The following ZNF284 variants were observed in gnomAD, a reference collection of about 807,000 sequenced individuals.
The protein encoded by ZNF284 is zinc finger protein 284.
In ZNF284, 12 loss-of-function variants were observed where a neutral mutation model predicts 12.9. That is an observed-to-expected ratio of 0.93 (90% CI 0.60 to 1.51). The LOEUF (loss-of-function observed/expected upper bound fraction) is 1.51. Ranked by LOEUF, ZNF284 falls within the 40% of genes most tolerant of loss-of-function variation. The pLI is 0.00. For synonymous variants in ZNF284, 225 were observed against 236.5 expected (o/e 0.95, Z 0.45); for missense variants, 667 against 707.3 (o/e 0.94, Z 0.65).
rs1386976146 is a variant in ZNF284 at position 44,089,596 on chromosome 19, C to A, written c.*2336C>A. 1 of 152,122 alleles carries A rather than the reference C, an allele frequency of 6.6e-6. No individual in the cohort carries two copies. Among genetic ancestry groups the A allele is most frequent in the Non-Finnish European group, 1.5e-5 (1 of 68,026 alleles). The allele number at this position is 152,122 out of a possible 1,614,324, so 9.4% of individuals were successfully genotyped here. ...GCATTGTCATGGACTCCTTAATAAA[C>A]GTGAAGACTTTAATCCATCTGAAGG... On this transcript the variant is annotated 3_prime_UTR_variant, in exon 5 of 5. Transcript: ENST00000421176.
intron 1 of ZNF284, among the ~76,000 whole-genome samples, chr19:44,075,229 G>A (rs1644679798): frequency 6.6e-6 from 1 of 152,048 alleles, no homozygotes; most frequent in Admixed American, 6.5e-5. Context: ...CCCATTCAAA[G>A]TCCAATTTTA....
intron 1 of ZNF284, among the ~76,000 whole-genome samples, chr19:44,074,435 A>C (rs749983139): frequency 1.3e-5 from 2 of 152,144 alleles, no homozygotes; most frequent in Non-Finnish European, 2.9e-5. Context: ...TTGCAAAAAT[A>C]GTGTTAGAAA....
intron 4 of ZNF284, among the ~76,000 whole-genome samples, chr19:44,084,064 C>T (rs1967182870): frequency 6.6e-6 from 1 of 152,142 alleles, no homozygotes; most frequent in South Asian, 2.1e-4. Flanking sequence ...ACCAACATGG[C>T]AGGGTGATCT....
chr19:44,076,532 T>A, intron 2 of ZNF284, 128 bp downstream of exon 2: 1 of 896,640 alleles, frequency 1.1e-6, no homozygotes, highest in Non-Finnish European at 1.7e-6. Flanking sequence ...GTGTGCCAGA[T>A]GCTTCCTTGT....
rs780527666 is a variant in ZNF284, at chr19:44,086,002, A to G, written c.524A>G (p.His175Arg). Residue 175 changes from histidine to arginine, a missense_variant, in exon 5 of 5, where the codon CAT becomes CGT. By Grantham distance (29) the His-to-Arg change is conservative (BLOSUM62 0). Transcript: ENST00000421176. ...CAATTACACTCAGGAAAGATATCCC[A>G]TACATGTAATGAGTACAGGAAGAGA... ...HQQLHSGKISHTCNEYRKRFC... is the reference protein window; with the variant it reads ...HQQLHSGKISRTCNEYRKRFC... 4 of 1,614,172 alleles carry G rather than the reference A, an allele frequency of 2.5e-6. No homozygotes were observed. The highest frequency in any genetic ancestry group is 2.2e-5 in the South Asian group (2 of 91,084).
At chr19:44,082,374 GTTACAAC>G (rs1301155568) in intron 4 of ZNF284, among the ~76,000 whole-genome samples, 2 of 152,024 alleles carry the variant, frequency 1.3e-5, no homozygotes, top group Non-Finnish European at 2.9e-5. Context: ...TTGTGTTAAT[GTTACAAC>G]TGCTTTAAGT....
In ZNF284 at chr19:44,088,070, T is replaced by A. The variant is rs368404320; in HGVS notation, c.*810T>A. 6.6e-6 allele frequency: 1 copy of A among 151,784 alleles called. No individual in the cohort carries two copies. Among genetic ancestry groups the A allele is most frequent in the African/African-American group, 2.4e-5 (1 of 41,300 alleles). The allele number at this position is 151,784 out of a possible 1,614,324, so 9.4% of individuals were successfully genotyped here. The stretch of plus-strand genomic sequence containing the variant: ...CAGGCGTGAGCCACCATGCCCACCA[T>A]GCCTAAAAATTTTTGTATTTTTAGT... On this transcript the variant is annotated 3_prime_UTR_variant, in exon 5 of 5. Transcript: ENST00000421176.
rs143593794 is a variant in ZNF284, at chr19:44,083,305, A to G, written c.235+1200A>G. ...AAAAATTAGCTGGGTGTGGTAGCAC[A>G]GTCCTGTAATCCCAGCTACTCGGGT... On this transcript the variant is annotated intron_variant, in intron 4 of 4. Transcript: ENST00000421176. 3.9e-3 allele frequency among the ~76,000 whole-genome samples: 588 copies of G among 151,714 alleles called. 2 individuals carry two copies. The highest frequency in any genetic ancestry group is 0.013 in the African/African-American group (523 of 41,420).
At chr19:44,084,777 C>T (rs1340397311) in intron 4 of ZNF284, among the ~76,000 whole-genome samples, 1 of 152,154 alleles carries the variant, frequency 6.6e-6, no homozygotes, top group East Asian at 1.9e-4. Context: ...TTTGGAGATG[C>T]AAAGGCTGTT....
Position 44,081,100 on chromosome 19 carries a change from G to A in ZNF284, c.101G>A (p.Arg34Gln), listed in dbSNP as rs191621832. Residue 34 changes from arginine to glutamine, a missense_variant, in exon 3 of 5, where the codon CGA (arginine) becomes CAA (glutamine). Coordinates refer to ENST00000421176, the MANE Select transcript of ZNF284 (RefSeq NM_001037813.4). ...LLDVSQRKLY[R>Q]DVMLENFRNL... ...GACGTTTCCCAGAGGAAGCTGTATC[G>A]AGATGTCATGCTGGAGAACTTCAGA... 9.1e-5 allele frequency: 147 copies of A among 1,612,986 alleles called. No homozygotes were observed. The African/African-American group carries it at 1.9e-3, about 20-fold the overall frequency.
intron 1 of ZNF284, among the ~76,000 whole-genome samples, chr19:44,073,438 C>T (rs1004261668): frequency 5.3e-5 from 8 of 151,904 alleles, no homozygotes; most frequent in Non-Finnish European, 1.2e-4. Flanking sequence ...TGTTATGCAG[C>T]GGTATGATTG....
At chr19:44,081,443 G>T (rs534269833) in intron 3 of ZNF284, among the ~76,000 whole-genome samples, 51 of 152,230 alleles carry the variant, frequency 3.4e-4, no homozygotes, top group African/African-American at 1.1e-3. Context: ...CGGGCGCGGT[G>T]GCTCATGCCT....
Position 44,087,202 on chromosome 19 carries a change from G to A in ZNF284, c.1724G>A (p.Arg575His), listed in dbSNP as rs202220702. 100 of 1,602,204 alleles carry A rather than the reference G, an allele frequency of 6.2e-5. 1 individual carries two copies. In the Middle Eastern group the frequency reaches 8.3e-4, roughly 13 times the overall value. The change falls in exon 5 of 5, where the codon CGC becomes CAC. Residue 575 changes from arginine to histidine, a missense_variant. Arg to His is a conservative substitution (Grantham distance 29). Transcript: ENST00000421176. Reference protein sequence around the residue: ...KTSKCEDCGKRYERRLNLDMI... With the variant: ...KTSKCEDCGKHYERRLNLDMI... ...TCCAAATGTGAGGACTGTGGGAAGC[G>A]CTACGAGAGGCGCTTGAATCTAGAT...
At chr19:44,080,690 G>A (rs1967107477) in intron 2 of ZNF284, among the ~76,000 whole-genome samples, 1 of 152,196 alleles carries the variant, frequency 6.6e-6, no homozygotes, top group African/African-American at 2.4e-5. Context: ...AATGTTGCTG[G>A]AGCAACTGGC....
chr19:44,077,920 G>A (rs929406916), intron 2 of ZNF284, among the ~76,000 whole-genome samples: 11 of 152,004 alleles, frequency 7.2e-5, no homozygotes, highest in African/African-American at 2.2e-4. Context: ...TCTTCCTGTT[G>A]TGCCACCTCC....
chr19:44,072,638 CT>C (rs1308980502), intron 1 of ZNF284, among the ~76,000 whole-genome samples: 1 of 152,224 alleles, frequency 6.6e-6, no homozygotes, highest in African/African-American at 2.4e-5. Flanking sequence ...CCCTTAGTGA[CT>C]GGTGGTCTCT....
chr19:44,086,218 A>G lies in ZNF284; in HGVS notation c.740A>G (p.Tyr247Cys), dbSNP rs1475880472. Reference sequence around the variant, plus strand: ...AGTTTCAGCCGTAGATCAGGAATGTATGTTCATTGCAAATTACACACAGGA... The same window carrying G: ...AGTTTCAGCCGTAGATCAGGAATGTGTGTTCATTGCAAATTACACACAGGA... ...GKSFSRRSGM[Y>C]VHCKLHTGEK... Residue 247 changes from tyrosine to cysteine, a missense_variant, in exon 5 of 5, where the codon TAT (tyrosine) becomes TGT (cysteine). By Grantham distance (194) the Tyr-to-Cys change is radical (BLOSUM62 -2). Coordinates refer to ENST00000421176, the MANE Select transcript of ZNF284 (RefSeq NM_001037813.4). The G allele has an allele frequency of 3.0e-5, 48 of 1,614,118 alleles. No individual in the cohort carries two copies. Among genetic ancestry groups the G allele is most frequent in the African/African-American group, 5.3e-5 (4 of 74,948 alleles).
rs761127144 is a variant in ZNF284, at chr19:44,086,404, A to G, written c.926A>G (p.His309Arg). 20 of 1,613,964 alleles carry G rather than the reference A, an allele frequency of 1.2e-5. No individual in the cohort carries two copies. Among genetic ancestry groups the G allele is most frequent in the Non-Finnish European group, 1.0e-5 (12 of 1,179,960 alleles). The change falls in exon 5 of 5, where the codon CAC becomes CGC. Residue 309 changes from histidine (H) to arginine (R), a missense_variant. Physicochemically the swap from His to Arg is conservative, Grantham distance 29 (BLOSUM62 0). Transcript: ENST00000421176. ...AATCTTAATAGGCATTCCATGGTCCACATGCAAGAGAAATCATTTAGATGT... is the reference window on the plus strand; with the variant it reads ...AATCTTAATAGGCATTCCATGGTCCGCATGCAAGAGAAATCATTTAGATGT... ...RSNLNRHSMV[H>R]MQEKSFRCDT...
Position 44,087,472 on chromosome 19 carries a change from A to G in ZNF284, c.*212A>G, listed in dbSNP as rs1302751014. On this transcript the variant is annotated 3_prime_UTR_variant, in exon 5 of 5. Transcript: ENST00000421176. ...TTATAGTCACCTTTAGTGCTGTGGAACACTAGAACTTGTTCCTTTCATCAT... is the reference window on the plus strand; with the variant it reads ...TTATAGTCACCTTTAGTGCTGTGGAGCACTAGAACTTGTTCCTTTCATCAT... The G allele has an allele frequency of 5.4e-6, 2 of 367,694 alleles. No homozygotes were observed. The highest frequency in any genetic ancestry group is 4.4e-5 in the East Asian group (1 of 22,532). The allele number at this position is 367,694 out of a possible 1,614,324, so 22.8% of individuals were successfully genotyped here.
Sources: allele counts gnomAD v4.1 joint callset (sites outside exome capture counted in the v4.1 genomes callset), GRCh38; gene constraint gnomAD v4.1.1; transcripts MANE v1.5; gene names NCBI Gene and HGNC (gene_info 2026-07-23, HGNC 2026-07-21).